The following MIPOL1 variants were observed in gnomAD, a reference collection of about 807,000 sequenced individuals.
MIPOL1 encodes the protein mirror-image polydactyly gene 1 protein.
Under a neutral mutation model 60.9 loss-of-function variants are expected in MIPOL1, and 57 were observed. The ratio of observed to expected loss-of-function variants is 0.94; its 90% CI spans 0.76 to 1.17. The LOEUF is 1.17. Among genes scored for constraint, MIPOL1 ranks in the 50% most tolerant of loss-of-function variants. The probability of loss-of-function intolerance (pLI) is 0.00; values close to 1 mark genes in which losing one functional copy is unlikely to be tolerated. For synonymous variants in MIPOL1, 179 were observed against 168.8 expected (o/e 1.06, Z -0.47); for missense variants, 551 against 511.6 (o/e 1.08, Z -0.74).
chr14:37,248,718 A>C (rs1339250485), intron 3 of MIPOL1, among the ~76,000 whole-genome samples: 1 of 152,122 alleles, frequency 6.6e-6, no homozygotes, highest in Non-Finnish European at 1.5e-5. Flanking sequence ...AGACACACCT[A>C]AAGTAAGGAG....
chr14:37,349,918 G>C (rs1257208597), intron 9 of MIPOL1, among the ~76,000 whole-genome samples: 1 of 152,056 alleles, frequency 6.6e-6, no homozygotes, highest in Admixed American at 6.6e-5. Context: ...GACGTTCCTT[G>C]GAGGAGAAAA....
At chr14:37,333,376 C>G (rs545442724) in intron 9 of MIPOL1, among the ~76,000 whole-genome samples, 2 of 152,052 alleles carry the variant, frequency 1.3e-5, no homozygotes, top group African/African-American at 4.8e-5. Context: ...AATAATTTTT[C>G]TGATATACCG....
At chr14:37,236,468 C>T (rs1406790915) in intron 1 of MIPOL1, among the ~76,000 whole-genome samples, 1 of 151,340 alleles carries the variant, frequency 6.6e-6, no homozygotes, top group African/African-American at 2.4e-5. Context: ...ATTTTTGAGA[C>T]CCTTGTCGCC....
chr14:37,212,606 A>G lies in MIPOL1; in HGVS notation c.-199+14502A>G, dbSNP rs114371076. ...TTTTACTCTACTCCCTGACTCTTGT[A>G]TGGCACTTCAGGACCCACCTGGGGC... On this transcript the variant is annotated intron_variant, in intron 1 of 12. Coordinates refer to ENST00000684589, the MANE Select transcript of MIPOL1 (RefSeq NM_001388067.1). Among the ~76,000 whole-genome samples, 861 of 152,216 alleles carry G rather than the reference A, an allele frequency of 5.7e-3. 9 individuals carry two copies. Among genetic ancestry groups the G allele is most frequent in the African/African-American group, 0.02 (838 of 41,548 alleles).
At chr14:37,199,610 C>T (rs1224828888) in intron 1 of MIPOL1, among the ~76,000 whole-genome samples, 4 of 152,074 alleles carry the variant, frequency 2.6e-5, no homozygotes, top group East Asian at 3.9e-4. Context: ...CTGCAACCTC[C>T]GCCTCCCGGG....
chr14:37,248,978 A>ATGGG (rs1200103668), intron 3 of MIPOL1, among the ~76,000 whole-genome samples: 15 of 126,530 alleles, frequency 1.2e-4, no homozygotes, highest in African/African-American at 6.0e-4. Flanking sequence ...AAATGGAAGG[A>ATGGG]TGGATGGATG....
At chr14:37,496,811 C>T (rs1466577901) in intron 11 of MIPOL1, among the ~76,000 whole-genome samples, 2 of 152,116 alleles carry the variant, frequency 1.3e-5, no homozygotes, top group African/African-American at 2.4e-5. Flanking sequence ...CTTTAAAGTT[C>T]GTATGGAACC....
intron 12 of MIPOL1, among the ~76,000 whole-genome samples, chr14:37,519,816 A>G (rs529027783): frequency 6.6e-6 from 1 of 152,268 alleles, no homozygotes; most frequent in Non-Finnish European, 1.5e-5. Context: ...TGATAGTGAT[A>G]TCATAGACTT....
intron 9 of MIPOL1, among the ~76,000 whole-genome samples, chr14:37,336,886 G>A (rs925186072): frequency 1.3e-5 from 2 of 151,578 alleles, no homozygotes; most frequent in Non-Finnish European, 2.9e-5. Flanking sequence ...TCAGCCTCCC[G>A]AGTAGCTGGG....
At chr14:37,234,719 C>A (rs1971165017) in intron 1 of MIPOL1, among the ~76,000 whole-genome samples, 1 of 151,516 alleles carries the variant, frequency 6.6e-6, no homozygotes, top group South Asian at 2.1e-4. Context: ...ATTCTAGTTA[C>A]TACTCATTTA....
chr14:37,423,254 A>G (rs1312034032), intron 11 of MIPOL1, among the ~76,000 whole-genome samples: 1 of 150,974 alleles, frequency 6.6e-6, no homozygotes, highest in Non-Finnish European at 1.5e-5. Context: ...TATCACCTCT[A>G]AAACAATCGT....
rs111575275 is a variant in MIPOL1 at position 37,465,167 on chromosome 14, T to C, written c.1032-34741T>C. On this transcript the variant is annotated intron_variant, in intron 11 of 12. Transcript: ENST00000684589. ...CTAATTTAAAAACATGAATATTCCA[T>C]GCTGCCTTTCCGAACTTTGATATAC... Among the ~76,000 whole-genome samples the C allele has an allele frequency of 3.1e-3, 479 of 152,318 alleles. 4 individuals carry two copies. Among genetic ancestry groups the C allele is most frequent in the Middle Eastern group, 0.031 (9 of 294 alleles).
intron 3 of MIPOL1, among the ~76,000 whole-genome samples, chr14:37,254,044 AGTAGC>A (rs1452837311): frequency 1.3e-5 from 2 of 151,782 alleles, no homozygotes; most frequent in African/African-American, 4.8e-5. Flanking sequence ...ATAGAGTGCT[AGTAGC>A]TTCTCACACA....
chr14:37,405,987 A>C (rs1004125941), intron 10 of MIPOL1, among the ~76,000 whole-genome samples: 3 of 152,054 alleles, frequency 2.0e-5, no homozygotes, highest in South Asian at 2.1e-4. Flanking sequence ...CACCTAAAAA[A>C]CTTTTTGATG....
intron 11 of MIPOL1, chr14:37,434,354 T>C (rs1314305052): frequency 6.6e-6 from 1 of 152,248 alleles, no homozygotes; most frequent in African/African-American, 2.4e-5. Flanking sequence ...TCTGTTCATA[T>C]CCTTCGCTCA....
intron 12 of MIPOL1, among the ~76,000 whole-genome samples, chr14:37,539,781 A>T (rs2095522456): frequency 6.6e-6 from 1 of 152,160 alleles, no homozygotes; most frequent in Admixed American, 6.5e-5. Flanking sequence ...GAAAATAAGG[A>T]ATAATTCTCT....
At chr14:37,521,802 G>C (rs534193503) in intron 12 of MIPOL1, among the ~76,000 whole-genome samples, 1 of 150,876 alleles carries the variant, frequency 6.6e-6, no homozygotes, top group African/African-American at 2.4e-5. Flanking sequence ...TTAGTTGCTT[G>C]AACCCAGAAG....
At chr14:37,488,792 T>C (rs1179229532) in intron 11 of MIPOL1, among the ~76,000 whole-genome samples, 5 of 152,198 alleles carry the variant, frequency 3.3e-5, no homozygotes, top group Non-Finnish European at 1.5e-5. Context: ...TTGTAGGTTT[T>C]CTCCCGAGAG....
intron 3 of MIPOL1, among the ~76,000 whole-genome samples, chr14:37,266,285 G>GTTTTAGGAACAGATAC (rs962305851): frequency 1.3e-5 from 2 of 152,146 alleles, no homozygotes; most frequent in Non-Finnish European, 2.9e-5. Flanking sequence ...ACATTTGACA[G>GTTTTAGGAACAGATAC]TTTTAGGAAC....
Sources: gnomAD v4.1 joint callset for allele counts (sites outside exome capture counted in the v4.1 genomes callset) on GRCh38, gnomAD v4.1.1 for gene constraint, MANE v1.5 for transcripts, NCBI Gene and HGNC (gene_info 2026-07-23, HGNC 2026-07-21) for gene names.